NBEA: variants seen among roughly 807,000 people sequenced by gnomAD.
NBEA encodes the protein neurobeachin.
A neutral mutation model predicts 343.4 loss-of-function variants in NBEA; 44 were observed. The observed-to-expected ratio is 0.13, with a 90% CI of 0.10 to 0.16. NBEA has a LOEUF of 0.16. NBEA is among the 10% of genes least tolerant of loss of function. NBEA has a pLI of 1.00. For synonymous variants in NBEA, 1,175 were observed against 1,238.7 expected, an observed-to-expected ratio of 0.95 and a Z score of 1.08; for missense variants, 2,555 against 3,631.3, an observed-to-expected ratio of 0.70 and a Z score of 7.62.
At chr13:35,551,153 T>C in intron 43 of NBEA, 121 bp downstream of exon 43, 1 of 553,578 alleles carries the variant, frequency 1.8e-6, no homozygotes, top group Non-Finnish European at 3.0e-6. Context: ...ATTTTCTTTC[T>C]CTGAAGGTTA....
intron 34 of NBEA, among the ~76,000 whole-genome samples, chr13:35,284,017 A>ACCC (rs1555355353): frequency 7.0e-6 from 1 of 142,094 alleles, no homozygotes; most frequent in African/African-American, 2.6e-5. Context: ...CACACACACC[A>ACCC]CACAGATGCA....
intron 17 of NBEA, among the ~76,000 whole-genome samples, chr13:35,136,051 ATATAG>A (rs1320417792): frequency 6.6e-6 from 1 of 152,180 alleles, no homozygotes; most frequent in Non-Finnish European, 1.5e-5. Context: ...AATAAACATT[ATATAG>A]TAAAGTAGAG....
intron 55 of NBEA, among the ~76,000 whole-genome samples, chr13:35,663,963 A>G (rs2085226916): frequency 6.6e-6 from 1 of 152,238 alleles, no homozygotes; most frequent in South Asian, 2.1e-4. Context: ...TTGGGGAGAC[A>G]GAAGATAGGC....
intron 1 of NBEA, among the ~76,000 whole-genome samples, chr13:34,977,335 G>A (rs1383123555): frequency 3.3e-5 from 5 of 149,312 alleles, no homozygotes; most frequent in Non-Finnish European, 7.4e-5. Context: ...TTGAGATGGA[G>A]TCTGTCTCTG....
intron 6 of NBEA, among the ~76,000 whole-genome samples, chr13:35,054,899 C>T (rs1042394149): frequency 5.3e-5 from 8 of 152,002 alleles, no homozygotes; most frequent in African/African-American, 1.2e-4. Context: ...CCACCTTGGC[C>T]TCCCAAAGTG....
chr13:35,096,285 T>G (rs183972773), intron 10 of NBEA, among the ~76,000 whole-genome samples: 2 of 151,636 alleles, frequency 1.3e-5, no homozygotes, highest in Non-Finnish European at 3.0e-5. Flanking sequence ...GTGAATGCAT[T>G]TGACATTTCA....
chr13:35,484,794 T>A (rs1425769197), intron 41 of NBEA, among the ~76,000 whole-genome samples: 1 of 152,118 alleles, frequency 6.6e-6, no homozygotes, highest in African/African-American at 2.4e-5. Context: ...AACACAAAAA[T>A]TAGTTTTATT....
intron 41 of NBEA, among the ~76,000 whole-genome samples, chr13:35,537,835 G>A (rs1046968160): frequency 1.2e-4 from 18 of 152,338 alleles, no homozygotes; most frequent in African/African-American, 4.1e-4. Flanking sequence ...TTCATCTGGA[G>A]CAGGAGACCT....
intron 33 of NBEA, among the ~76,000 whole-genome samples, chr13:35,217,440 C>T (rs117414083): frequency 0.035 from 5,395 of 151,978 alleles, 146 homozygotes; most frequent in Non-Finnish European, 0.054. Context: ...GAGCTCTTCA[C>T]CTACCTCTAC....
intron 38 of NBEA, among the ~76,000 whole-genome samples, chr13:35,388,068 T>C (rs2042329966): frequency 6.6e-6 from 1 of 152,104 alleles, no homozygotes; most frequent in Non-Finnish European, 1.5e-5. Context: ...AATCCACAAA[T>C]ACACATCTTT....
At chr13:35,187,749 G>A (rs1266311059) in intron 30 of NBEA, among the ~76,000 whole-genome samples, 1 of 151,924 alleles carries the variant, frequency 6.6e-6, no homozygotes. Context: ...AAAATTTCTA[G>A]TAGTATTTAG....
chr13:34,949,640 A>G (rs934986375), intron 1 of NBEA, among the ~76,000 whole-genome samples: 1 of 152,204 alleles, frequency 6.6e-6, no homozygotes, highest in African/African-American at 2.4e-5. Flanking sequence ...ATGCTTTGAA[A>G]TTAGTTATCA....
At chr13:35,020,219 A>G (rs1395414473) in intron 1 of NBEA, among the ~76,000 whole-genome samples, 3 of 152,102 alleles carry the variant, frequency 2.0e-5, no homozygotes, top group Admixed American at 6.5e-5. Context: ...ATTTAGCTCA[A>G]AAATTTTCTA....
At chr13:35,046,096 T>C (rs2062844546) in intron 4 of NBEA, among the ~76,000 whole-genome samples, 1 of 152,146 alleles carries the variant, frequency 6.6e-6, no homozygotes, top group Non-Finnish European at 1.5e-5. Flanking sequence ...TGTTGTAGTT[T>C]TAATTACTGT....
intron 6 of NBEA, 84 bp downstream of exon 6, chr13:35,050,479 T>G: frequency 7.5e-7 from 1 of 1,330,560 alleles, no homozygotes; most frequent in Admixed American, 2.6e-5. Context: ...AGTATTCTCT[T>G]TCACGGGTTT....
At chr13:35,081,920 C>CT (rs764768103) in intron 10 of NBEA, among the ~76,000 whole-genome samples, 44 of 151,028 alleles carry the variant, frequency 2.9e-4, no homozygotes, top group East Asian at 7.8e-4. Context: ...ATTTTGGTAA[C>CT]TTTTTTTTTA....
intron 34 of NBEA, among the ~76,000 whole-genome samples, chr13:35,282,555 A>G (rs949314784): frequency 1.3e-5 from 2 of 152,104 alleles, no homozygotes; most frequent in Admixed American, 6.6e-5. Context: ...ATTTAACCCA[A>G]AAATAATTGC....
intron 17 of NBEA, among the ~76,000 whole-genome samples, chr13:35,134,369 A>T (rs993621574): frequency 3.3e-5 from 5 of 151,928 alleles, no homozygotes; most frequent in Non-Finnish European, 7.4e-5. Flanking sequence ...TACAAAAAAA[A>T]AAGGCGGGTC....
rs145288288 is a variant in NBEA, at chr13:35,337,404, A to G, written c.5904-11704A>G. 5.8e-3 allele frequency among the ~76,000 whole-genome samples: 878 copies of G among 152,262 alleles called. 11 individuals carry two copies. The highest frequency in any genetic ancestry group is 0.02 in the African/African-American group (851 of 41,574). ...TTTTAATACAAAAATCATTACAGTG[A>G]CAAAGACATTATATAATGTTAATTA... On this transcript the variant is annotated intron_variant, in intron 36 of 58. Transcript: ENST00000379939.
Sources: allele counts gnomAD v4.1 joint callset (sites outside exome capture counted in the v4.1 genomes callset), GRCh38; gene constraint gnomAD v4.1.1; transcripts MANE v1.5; gene names NCBI Gene and HGNC (gene_info 2026-07-23, HGNC 2026-07-21).